Variants in LPP observed in about 807,000 individuals in gnomAD.
The protein encoded by LPP is LIM domain containing preferred translocation partner in lipoma.
LPP carries 38 observed loss-of-function variants against 60.4 expected under a neutral mutation model. That is an observed-to-expected ratio of 0.63 (90% CI 0.49 to 0.83). LPP has a LOEUF of 0.83. Among genes scored for constraint, LPP ranks in the 40% least tolerant of loss-of-function variants. The pLI, the probability that LPP is intolerant of heterozygous loss-of-function variation, is 0.00. For missense variants in LPP, 902 were observed against 783.6 expected, an observed-to-expected ratio of 1.15 and a Z score of -1.80; for synonymous variants, 328 against 290.8, an observed-to-expected ratio of 1.13 and a Z score of -1.30.
intron 6 of LPP, chr3:188,584,545 T>TTGTG (rs752997019): frequency 0.062 from 7,337 of 118,816 alleles, 197 homozygotes; most frequent in South Asian, 0.11. Flanking sequence ...TTAATTTTAG[T>TTGTG]CGTGTGTGTG....
chr3:188,720,553 A>G (rs181011508), intron 8 of LPP, among the ~76,000 whole-genome samples: 234 of 151,536 alleles, frequency 1.5e-3, no homozygotes, highest in Admixed American at 3.2e-3. Flanking sequence ...TAGAGTTCCC[A>G]CCAAAAATTG....
chr3:188,547,748 T>C (rs1301169924), intron 6 of LPP, among the ~76,000 whole-genome samples: 1 of 152,222 alleles, frequency 6.6e-6, no homozygotes, highest in Non-Finnish European at 1.5e-5. Context: ...AAAATCCTAG[T>C]ACATTTTTAG....
intron 5 of LPP, among the ~76,000 whole-genome samples, chr3:188,517,076 A>G (rs1400265946): frequency 6.6e-6 from 1 of 152,238 alleles, no homozygotes. Context: ...TGTCAAAGTA[A>G]CAATTAAATA....
intron 2 of LPP, among the ~76,000 whole-genome samples, chr3:188,239,262 G>T (rs1022165197): frequency 6.6e-6 from 1 of 152,180 alleles, no homozygotes; most frequent in African/African-American, 2.4e-5. Context: ...ACCCATTCAG[G>T]CACACACTTA....
intron 1 of LPP, among the ~76,000 whole-genome samples, chr3:188,202,422 G>C (rs1731333981): frequency 6.6e-6 from 1 of 152,210 alleles, no homozygotes; most frequent in South Asian, 2.1e-4. Flanking sequence ...ACCGAAGAGA[G>C]ATGTGAAAAA....
intron 6 of LPP, among the ~76,000 whole-genome samples, chr3:188,606,107 G>C (rs990375664): frequency 1.3e-5 from 2 of 152,292 alleles, no homozygotes; most frequent in Non-Finnish European, 1.5e-5. Context: ...CGAGCTGACT[G>C]TCAAGAACGG....
At chr3:188,486,366 C>T (rs1806518197) in intron 5 of LPP, among the ~76,000 whole-genome samples, 1 of 152,084 alleles carries the variant, frequency 6.6e-6, no homozygotes, top group Non-Finnish European at 1.5e-5. Flanking sequence ...ACTCTGTCCT[C>T]AGGGAACGTA....
At chr3:188,176,700 C>T (rs1233637977) in intron 1 of LPP, among the ~76,000 whole-genome samples, 3 of 152,142 alleles carry the variant, frequency 2.0e-5, no homozygotes, top group African/African-American at 7.2e-5. Context: ...AAAACATTTT[C>T]TCATCTGTAA....
chr3:188,457,615 A>G (rs1579046138), intron 4 of LPP, among the ~76,000 whole-genome samples: 2 of 151,938 alleles, frequency 1.3e-5, no homozygotes, highest in South Asian at 2.1e-4. Context: ...AGTTAAGGCC[A>G]GGTGCGGTGG....
intron 8 of LPP, among the ~76,000 whole-genome samples, chr3:188,753,366 C>G (rs759831922): frequency 3.9e-5 from 6 of 152,128 alleles, no homozygotes; most frequent in Admixed American, 1.3e-4. Context: ...CTGTGGGACT[C>G]CCCCTCCTAA....
chr3:188,760,251 A>C lies in LPP; in HGVS notation c.1379A>C (p.Glu460Ala), dbSNP rs775399066. ...CGAGGGCAGCCATTCTATGCTGTGGAAAAGAAAGCATACTGCGAGCCCTGC... is the reference window on the plus strand; with the variant it reads ...CGAGGGCAGCCATTCTATGCTGTGGCAAAGAAAGCATACTGCGAGCCCTGC... ...KLRGQPFYAV[E>A]KKAYCEPCYI... The change falls in exon 9 of 12, where the codon GAA (glutamate) becomes GCA (alanine). Residue 460 changes from glutamate to alanine, a missense_variant. Transcript: ENST00000617246. The C allele has an allele frequency of 6.2e-7, 1 of 1,614,004 alleles. No homozygotes were observed. Among genetic ancestry groups the C allele is most frequent in the African/African-American group, 1.3e-5 (1 of 74,916 alleles).
intron 1 of LPP, among the ~76,000 whole-genome samples, chr3:188,159,557 C>CA (rs1717557351): frequency 6.6e-6 from 1 of 152,168 alleles, no homozygotes; most frequent in South Asian, 2.1e-4. Flanking sequence ...GCTGTATTCC[C>CA]AATGCCCAGA....
chr3:188,323,045 C>A (rs930427440), intron 2 of LPP, among the ~76,000 whole-genome samples: 1 of 152,074 alleles, frequency 6.6e-6, no homozygotes, highest in African/African-American at 2.4e-5. Context: ...AGAAAAAGAG[C>A]GGTGAAAATG....
Position 188,527,610 on chromosome 3 carries a change from C to T in LPP, c.429+2823C>T, listed in dbSNP as rs139044254. 7.9e-5 allele frequency among the ~76,000 whole-genome samples: 12 copies of T among 152,174 alleles called. No individual in the cohort carries two copies. The East Asian group carries it at 2.3e-3, about 29-fold the overall frequency. ...CAAGCCACTCTTCATACTTTCTGAC[C>T]ATTGCTTGATGTTCAGCAATTTTTT... On this transcript the variant is annotated intron_variant, in intron 6 of 11. Coordinates refer to ENST00000617246, the MANE Select transcript of LPP (RefSeq NM_001375462.1).
At chr3:188,425,524 A>C (rs1789062397) in intron 4 of LPP, among the ~76,000 whole-genome samples, 1 of 152,108 alleles carries the variant, frequency 6.6e-6, no homozygotes, top group Non-Finnish European at 1.5e-5. Flanking sequence ...AAGGAATGGT[A>C]GCAAGCTCCT....
At chr3:188,756,843 C>T (rs1376302718) in intron 8 of LPP, among the ~76,000 whole-genome samples, 1 of 152,152 alleles carries the variant, frequency 6.6e-6, no homozygotes, top group Non-Finnish European at 1.5e-5. Flanking sequence ...TAGGCTGACC[C>T]ACTCTAGAGG....
Position 188,609,917 on chromosome 3 carries a change from G to C in LPP, c.1113+73G>C. 4.9e-6 allele frequency: 7 copies of C among 1,416,306 alleles called. 1 individual carries two copies. The South Asian group carries it at 9.6e-5, about 19-fold the overall frequency. 87.7% of individuals were successfully genotyped at this position (1,416,306 alleles called of 1,614,324 possible). Reference sequence around the variant, plus strand: ...TAGTCTGCCTTCCCCAGGAAGCGAAGCCTAAGGCAAAAGTGTGTGTGTTAC... The same window carrying C: ...TAGTCTGCCTTCCCCAGGAAGCGAACCCTAAGGCAAAAGTGTGTGTGTTAC... On this transcript the variant is annotated intron_variant, in intron 7 of 11. Transcript: ENST00000617246. This position sits in a 1 kb window ranked among gnomAD's most constrained non-coding sequence, Gnocchi z 6.9.
intron 3 of LPP, among the ~76,000 whole-genome samples, chr3:188,358,683 A>G (rs1020112453): frequency 2.0e-5 from 3 of 151,682 alleles, no homozygotes; most frequent in African/African-American, 7.3e-5. Flanking sequence ...GTGTGCGCTG[A>G]GAAGTGGGGA....
chr3:188,177,991 A>G (rs115584997), intron 1 of LPP, among the ~76,000 whole-genome samples: 244 of 152,282 alleles, frequency 1.6e-3, no homozygotes, highest in Non-Finnish European at 2.9e-3. Flanking sequence ...TTTCTCATCC[A>G]TAGAGGTTTT....
Sources: allele counts gnomAD v4.1 joint callset (sites outside exome capture counted in the v4.1 genomes callset), GRCh38; gene constraint gnomAD v4.1.1; non-coding constraint Gnocchi (gnomAD v3.1); transcripts MANE v1.5; gene names NCBI Gene and HGNC (gene_info 2026-07-23, HGNC 2026-07-21).